Variants in DLGAP1 observed in about 807,000 individuals in gnomAD.
DLGAP1 encodes the protein DLG associated protein 1.
Under a neutral mutation model 90.8 loss-of-function variants are expected in DLGAP1, and 11 were observed. That is an observed-to-expected ratio of 0.12 (90% CI 0.08 to 0.20). DLGAP1 has a LOEUF of 0.20. DLGAP1 is among the 10% of genes least tolerant of loss of function. The pLI, the probability that DLGAP1 is intolerant of heterozygous loss-of-function variation, is 1.00. For missense variants in DLGAP1, 1,050 were observed against 1,333.8 expected, an observed-to-expected ratio of 0.79 and a Z score of 3.31; for synonymous variants, 558 against 540.7, an observed-to-expected ratio of 1.03 and a Z score of -0.44.
intron 1 of DLGAP1, among the ~76,000 whole-genome samples, chr18:4,437,118 A>C (rs1266482988): frequency 1.3e-5 from 2 of 152,220 alleles, no homozygotes; most frequent in Non-Finnish European, 2.9e-5. Context: ...GAGGAATGAC[A>C]GTGCTCCAGG....
intron 7 of DLGAP1, among the ~76,000 whole-genome samples, chr18:3,651,232 G>C (rs1245336114): frequency 6.6e-6 from 1 of 151,960 alleles, no homozygotes; most frequent in African/African-American, 2.4e-5. Flanking sequence ...GGTGGCAGGC[G>C]CCTGTAATCC....
At chr18:3,510,426 C>A (rs1202610997) in intron 10 of DLGAP1, among the ~76,000 whole-genome samples, 1 of 152,172 alleles carries the variant, frequency 6.6e-6, no homozygotes, top group Non-Finnish European at 1.5e-5. Context: ...CTTGCCCTGG[C>A]TAGGAGAGAA....
At chr18:3,567,407 T>G (rs767452088) in intron 9 of DLGAP1, 83 bp downstream of exon 9, 1 of 1,182,168 alleles carries the variant, frequency 8.5e-7, no homozygotes, top group Non-Finnish European at 1.2e-6. Context: ...ATCATTGAAT[T>G]TTGTAGACTT....
intron 4 of DLGAP1, among the ~76,000 whole-genome samples, chr18:3,834,611 C>T (rs780875784): frequency 2.8e-4 from 43 of 151,954 alleles, no homozygotes; most frequent in Non-Finnish European, 4.1e-4. Flanking sequence ...TGAATGTGTA[C>T]GTACACATAT....
intron 1 of DLGAP1, chr18:4,293,779 ACCCTGT>A (rs1019221422): frequency 6.6e-6 from 1 of 152,038 alleles, no homozygotes; most frequent in African/African-American, 2.4e-5. Flanking sequence ...TTTCCCATCT[ACCCTGT>A]CCCTGTCCCC....
intron 4 of DLGAP1, among the ~76,000 whole-genome samples, chr18:3,839,566 C>G (rs990207194): frequency 6.6e-5 from 10 of 152,192 alleles, no homozygotes; most frequent in Non-Finnish European, 1.5e-4. Flanking sequence ...AGCACATAAA[C>G]AGGCACTATA....
chr18:3,988,168 A>C (rs1178963520), intron 3 of DLGAP1, among the ~76,000 whole-genome samples: 1 of 151,852 alleles, frequency 6.6e-6, no homozygotes, highest in Non-Finnish European at 1.5e-5. Context: ...TCACTCTATA[A>C]TCTCATTTTG....
At position 3,898,498 on chromosome 18, in the gene DLGAP1, T is replaced by C. The variant is rs554940001; in HGVS notation, c.-72-18358A>G. On this transcript the variant is annotated intron_variant, in intron 3 of 12. Coordinates refer to ENST00000315677, the MANE Select transcript of DLGAP1 (RefSeq NM_004746.4). ...AATCCAGGAAGTCAGACTCCAGAGC[T>C]CACAGTTTAGGCACCACTACACTGT... Among the ~76,000 whole-genome samples the C allele has an allele frequency of 1.1e-4, 17 of 152,294 alleles. No individual in the cohort carries two copies. The South Asian group carries it at 3.5e-3, about 32-fold the overall frequency.
At chr18:3,831,430 T>C (rs2068030548) in intron 4 of DLGAP1, among the ~76,000 whole-genome samples, 1 of 152,172 alleles carries the variant, frequency 6.6e-6, no homozygotes, top group Non-Finnish European at 1.5e-5. Context: ...TGAAATGTGG[T>C]TCCAAGAGGG....
chr18:4,160,880 AT>A (rs1241835401), intron 1 of DLGAP1, among the ~76,000 whole-genome samples: 1 of 152,080 alleles, frequency 6.6e-6, no homozygotes, highest in African/African-American at 2.4e-5. Flanking sequence ...TCATTATCCC[AT>A]TCTACAGATA....
intron 3 of DLGAP1, among the ~76,000 whole-genome samples, chr18:3,943,039 C>T (rs1272906884): frequency 2.6e-5 from 4 of 151,938 alleles, no homozygotes; most frequent in Non-Finnish European, 5.9e-5. Context: ...TCATCTTCAG[C>T]TTTCTTTACC....
At chr18:3,629,243 T>C (rs1166698563) in intron 7 of DLGAP1, among the ~76,000 whole-genome samples, 2 of 151,550 alleles carry the variant, frequency 1.3e-5, no homozygotes, top group South Asian at 2.1e-4. Flanking sequence ...CAAGACGCCA[T>C]CTCTAAAAAA....
chr18:3,836,482 TCTTC>T (rs1598942780), intron 4 of DLGAP1, among the ~76,000 whole-genome samples: 1 of 152,182 alleles, frequency 6.6e-6, no homozygotes, highest in East Asian at 1.9e-4. Flanking sequence ...AGATTTTTTT[TCTTC>T]CTTTGTCAAA....
At chr18:3,618,006 C>T (rs2057942005) in intron 7 of DLGAP1, among the ~76,000 whole-genome samples, 1 of 152,174 alleles carries the variant, frequency 6.6e-6, no homozygotes, top group African/African-American at 2.4e-5. Context: ...CATTGCCCTC[C>T]AGCCTGGGTG....
At chr18:4,120,894 T>C (rs2076143484) in intron 2 of DLGAP1, among the ~76,000 whole-genome samples, 1 of 152,168 alleles carries the variant, frequency 6.6e-6, no homozygotes, top group Non-Finnish European at 1.5e-5. Context: ...GGCTAGATAC[T>C]GGGCTAGGCT....
intron 1 of DLGAP1, among the ~76,000 whole-genome samples, chr18:4,339,108 G>A (rs755163579): frequency 2.6e-5 from 4 of 152,130 alleles, no homozygotes; most frequent in Non-Finnish European, 5.9e-5. Flanking sequence ...CATGAAACTG[G>A]GTTTTGACTC....
At chr18:4,348,489 A>C (rs186374954) in intron 1 of DLGAP1, among the ~76,000 whole-genome samples, 2 of 151,506 alleles carry the variant, frequency 1.3e-5, no homozygotes, top group East Asian at 3.9e-4. Flanking sequence ...GTGGATGTAT[A>C]TGTACACATA....
At chr18:4,165,007 A>C (rs1364119424) in intron 1 of DLGAP1, among the ~76,000 whole-genome samples, 1 of 152,134 alleles carries the variant, frequency 6.6e-6, no homozygotes, top group Non-Finnish European at 1.5e-5. Flanking sequence ...AGGGGCCTTT[A>C]GGAAGATTAC....
chr18:3,958,915 G>A (rs935729309), intron 3 of DLGAP1, among the ~76,000 whole-genome samples: 1 of 152,192 alleles, frequency 6.6e-6, no homozygotes, highest in Non-Finnish European at 1.5e-5. Flanking sequence ...ATATCTCAAG[G>A]AAGGCTTCTA....
Sources: allele counts gnomAD v4.1 joint callset (sites outside exome capture counted in the v4.1 genomes callset), GRCh38; gene constraint gnomAD v4.1.1; transcripts MANE v1.5; gene names NCBI Gene and HGNC (gene_info 2026-07-23, HGNC 2026-07-21).